The following IQGAP2 variants were observed in gnomAD, a reference collection of about 807,000 sequenced individuals.
IQGAP2 encodes the protein IQ motif containing GTPase activating protein 2, also known as ras GTPase-activating-like protein IQGAP2.
Under a neutral mutation model 201.3 loss-of-function variants are expected in IQGAP2, and 173 were observed. That is an observed-to-expected ratio of 0.86 (90% CI 0.76 to 0.98). The LOEUF (loss-of-function observed/expected upper bound fraction) is 0.98. IQGAP2 is among the 50% of genes least tolerant of loss of function. The pLI is 0.00. For missense variants in IQGAP2, 1,687 were observed against 1,864.8 expected (o/e 0.90, Z 1.76); for synonymous variants, 675 against 673.9 (o/e 1.00, Z -0.03).
chr5:76,521,641 CAG>C (rs1280403805), intron 2 of IQGAP2, among the ~76,000 whole-genome samples: 1 of 152,158 alleles, frequency 6.6e-6, no homozygotes. Flanking sequence ...TCTTAGGAAC[CAG>C]AGACCATCGT....
At chr5:76,630,020 TA>T (rs1225911507) in intron 14 of IQGAP2, among the ~76,000 whole-genome samples, 2 of 152,222 alleles carry the variant, frequency 1.3e-5, no homozygotes, top group East Asian at 3.8e-4. Context: ...ACCCCTCAGA[TA>T]GACACTTTGA....
chr5:76,667,037 C>A lies in IQGAP2; in HGVS notation c.2680-1644C>A, dbSNP rs1023332997. On this transcript the variant is annotated intron_variant, in intron 22 of 35. Transcript: ENST00000274364. Reference sequence around the variant, plus strand: ...GCACTAGGATTGCAGGCATGAGACACCACACCTGACCTAGCAAAAATTCTT... The same window carrying A: ...GCACTAGGATTGCAGGCATGAGACAACACACCTGACCTAGCAAAAATTCTT... 5.9e-5 allele frequency among the ~76,000 whole-genome samples: 9 copies of A among 152,276 alleles called. No individual in the cohort carries two copies. In the East Asian group the frequency reaches 9.6e-4, roughly 16 times the overall value.
chr5:76,562,256 C>T, intron 2 of IQGAP2, 140 bp from the exon 3 acceptor site: 1 of 612,132 alleles, frequency 1.6e-6, no homozygotes, highest in East Asian at 2.9e-5. Flanking sequence ...AAAGTCTTCC[C>T]TTCCCACCAG....
At position 76,627,401 on chromosome 5, in the gene IQGAP2, T is replaced by C; in HGVS notation, c.1522-9T>C. The C allele has an allele frequency of 6.4e-7, 1 of 1,565,552 alleles. No individual in the cohort carries two copies. On this transcript the variant is annotated splice_polypyrimidine_tract_variant and intron_variant, in intron 13 of 35. Coordinates refer to ENST00000274364, the MANE Select transcript of IQGAP2 (RefSeq NM_006633.5). ...CTTCTTTCTTTTTATTCTGTGACATTGTCCCCAGGACTCTGAGAGTGTTTC... is the reference window on the plus strand; with the variant it reads ...CTTCTTTCTTTTTATTCTGTGACATCGTCCCCAGGACTCTGAGAGTGTTTC...
At chr5:76,513,060 G>GA (rs11369662) in intron 2 of IQGAP2, among the ~76,000 whole-genome samples, 115,279 of 147,550 alleles carry the variant, frequency 0.78, 45,702 homozygotes, top group East Asian at 0.96. Flanking sequence ...GTCTCAAAAA[G>GA]AAAAAAAAAA....
Position 76,693,336 on chromosome 5 carries a change from C to T in IQGAP2, c.3906-19C>T, listed in dbSNP as rs760644943. 10 of 1,590,286 alleles carry T rather than the reference C, an allele frequency of 6.3e-6. No individual in the cohort carries two copies. The African/African-American group carries it at 9.4e-5, about 15-fold the overall frequency. ...AGGACTACAGTCTGAAAGTCTGTCT[C>T]TTTCTCTGGTTTGTTAAGGACCAAG... is the stretch of plus-strand genomic sequence containing the variant. On this transcript the variant is annotated intron_variant, in intron 30 of 35. Coordinates refer to ENST00000274364, the MANE Select transcript of IQGAP2 (RefSeq NM_006633.5).
chr5:76,507,990 G>A (rs575379886), intron 2 of IQGAP2, among the ~76,000 whole-genome samples: 49 of 117,880 alleles, frequency 4.2e-4, no homozygotes, highest in Non-Finnish European at 5.1e-4. Context: ...GTGATAGAGC[G>A]TGAGACTCCT....
At position 76,509,173 on chromosome 5, in the gene IQGAP2, G is replaced by A. The variant is rs534921471; in HGVS notation, c.146+47504G>A. On this transcript the variant is annotated intron_variant, in intron 2 of 35. Transcript: ENST00000274364. Reference sequence around the variant, plus strand: ...ATCTCAAGTGCAGTAAATGCCACATGTTTATCATGACACCACTTAGTATAG... The same window carrying A: ...ATCTCAAGTGCAGTAAATGCCACATATTTATCATGACACCACTTAGTATAG... Among the ~76,000 whole-genome samples, 4 of 152,116 alleles carry A rather than the reference G, an allele frequency of 2.6e-5. No homozygotes were observed. In the South Asian group the frequency reaches 8.3e-4, roughly 32 times the overall value.
At chr5:76,706,921 A>G (rs1007237867) in intron 35 of IQGAP2, among the ~76,000 whole-genome samples, 2 of 152,180 alleles carry the variant, frequency 1.3e-5, no homozygotes, top group African/African-American at 4.8e-5. Context: ...TAACTAGCCT[A>G]TGTTTTTAAC....
intron 22 of IQGAP2, among the ~76,000 whole-genome samples, chr5:76,666,864 C>A (rs940969755): frequency 1.3e-4 from 20 of 152,208 alleles, no homozygotes; most frequent in African/African-American, 4.1e-4. Flanking sequence ...CCACCTTGGC[C>A]TCCTGAGTAG....
chr5:76,589,786 T>A, intron 7 of IQGAP2, 58 bp downstream of exon 7: 1 of 865,960 alleles, frequency 1.2e-6, no homozygotes, highest in Non-Finnish European at 1.7e-6. Context: ...GTACTTTACC[T>A]ATTGATTTTG....
intron 17 of IQGAP2, among the ~76,000 whole-genome samples, chr5:76,651,316 ATGTT>A (rs1318282537): frequency 6.6e-6 from 1 of 152,230 alleles, no homozygotes; most frequent in Non-Finnish European, 1.5e-5. Flanking sequence ...CTTTAAAAGT[ATGTT>A]TGGGCCAGGC....
chr5:76,601,646 C>A (rs1203047825), intron 11 of IQGAP2, among the ~76,000 whole-genome samples: 38 of 152,160 alleles, frequency 2.5e-4, no homozygotes, highest in Admixed American at 2.5e-3. Context: ...ATCTTGGATT[C>A]TTGTAACCAC....
In IQGAP2 at chr5:76,641,171, T is replaced by C. The variant is rs182239511; in HGVS notation, c.2094+68T>C. ...CACCTGAAAATGTTTTATTTGATAA[T>C]AGAATAGTCAACTACCAGCATTCCT... On this transcript the variant is annotated intron_variant, in intron 17 of 35. Coordinates refer to ENST00000274364, the MANE Select transcript of IQGAP2 (RefSeq NM_006633.5). 1.8e-4 allele frequency: 221 copies of C among 1,248,058 alleles called. No homozygotes were observed. In the African/African-American group the frequency reaches 2.6e-3, roughly 15 times the overall value. The allele number at this position is 1,248,058 out of a possible 1,614,324, so 77.3% of individuals were successfully genotyped here.
intron 2 of IQGAP2, among the ~76,000 whole-genome samples, chr5:76,504,122 CAA>C (rs753628193): frequency 2.6e-5 from 4 of 152,186 alleles, no homozygotes; most frequent in Non-Finnish European, 4.4e-5. Flanking sequence ...AGCGTGCTAA[CAA>C]AGAGGAGCTT....
chr5:76,540,801 C>T (rs1431245932), intron 2 of IQGAP2, among the ~76,000 whole-genome samples: 1 of 152,178 alleles, frequency 6.6e-6, no homozygotes. Context: ...CACAACCATA[C>T]ATGATGGCCC....
intron 25 of IQGAP2, 92 bp from the exon 26 acceptor site, chr5:76,673,860 T>C: frequency 2.5e-6 from 2 of 807,042 alleles, no homozygotes; most frequent in Non-Finnish European, 2.1e-6. Context: ...GAAAAACTAC[T>C]CAGCTGAAGT....
chr5:76,703,488 C>G (rs1375693302), intron 35 of IQGAP2, among the ~76,000 whole-genome samples: 4 of 151,954 alleles, frequency 2.6e-5, no homozygotes, highest in African/African-American at 9.7e-5. Context: ...TTTATTAACT[C>G]TATTTGTCAA....
chr5:76,466,442 A>ATTTTC (rs1754784545), intron 2 of IQGAP2, among the ~76,000 whole-genome samples: 1 of 152,236 alleles, frequency 6.6e-6, no homozygotes, highest in Admixed American at 6.5e-5. Flanking sequence ...TTTCAATTTC[A>ATTTTC]AAACGTACTT....
Sources: gnomAD v4.1 joint callset for allele counts (sites outside exome capture counted in the v4.1 genomes callset) on GRCh38, gnomAD v4.1.1 for gene constraint, MANE v1.5 for transcripts, NCBI Gene and HGNC (gene_info 2026-07-23, HGNC 2026-07-21) for gene names.